Variants in PCDHA12 observed in about 807,000 individuals in gnomAD.
The protein encoded by PCDHA12 is protocadherin alpha 12, also known as protocadherin alpha-12.
A neutral mutation model predicts 60.0 loss-of-function variants in PCDHA12; 44 were observed. The ratio of observed to expected loss-of-function variants is 0.73; its 90% CI spans 0.58 to 0.94. The LOEUF (loss-of-function observed/expected upper bound fraction) is 0.94, where lower values mean the gene tolerates loss of function less well. PCDHA12 is among the 40% of genes least tolerant of loss of function. The pLI is 0.00. For synonymous variants in PCDHA12, 569 were observed against 553.0 expected (o/e 1.03, Z -0.40); for missense variants, 1,276 against 1,239.7 (o/e 1.03, Z -0.44).
At chr5:140,982,607 G>T (rs868934947) in intron 3 of PCDHA12, 44 bp downstream of exon 3, 2 of 1,601,622 alleles carry the variant, frequency 1.2e-6, no homozygotes, top group South Asian at 1.1e-5. Flanking sequence ...TTTCTGGAAA[G>T]TGATCAGATG....
At chr5:140,969,058 TG>T in intron 1 of PCDHA12, 2 of 1,614,166 alleles carry the variant, frequency 1.2e-6, no homozygotes, top group Non-Finnish European at 1.7e-6. Context: ...ACAACAATAT[TG>T]ATGCCAGGAT....
At position 140,929,021 on chromosome 5, in the gene PCDHA12, G is replaced by C. The variant is rs782118774; in HGVS notation, c.2368-49928G>C. On this transcript the variant is annotated intron_variant, in intron 1 of 3. Coordinates refer to ENST00000398631, the MANE Select transcript of PCDHA12 (RefSeq NM_018903.4). ...TTCGTGTGTACCAAGTTGCACCAGA[G>C]CCCAGGCTGTTGCGCTCAGAGCTGC... is the stretch of plus-strand genomic sequence containing the variant. The C allele has an allele frequency of 2.5e-6, 4 of 1,614,072 alleles. No individual in the cohort carries two copies. The African/African-American group carries it at 5.3e-5, about 22-fold the overall frequency.
intron 1 of PCDHA12, among the ~76,000 whole-genome samples, chr5:140,896,002 G>A (rs1485647299): frequency 1.3e-5 from 2 of 152,082 alleles, no homozygotes; most frequent in Non-Finnish European, 2.9e-5. Flanking sequence ...GTAGAGACAG[G>A]GTTTCTCCAT....
intron 1 of PCDHA12, among the ~76,000 whole-genome samples, chr5:140,964,058 A>C (rs147228403): frequency 1.4e-3 from 207 of 152,356 alleles, no homozygotes; most frequent in Admixed American, 4.3e-3. Flanking sequence ...TGGTGTGGTC[A>C]AGGCATTAGT....
chr5:140,970,641 T>C (rs1430565577), intron 1 of PCDHA12, among the ~76,000 whole-genome samples: 1 of 152,170 alleles, frequency 6.6e-6, no homozygotes, highest in African/African-American at 2.4e-5. Context: ...GTACCATAAA[T>C]AGTGATGAAT....
At chr5:140,920,294 A>T (rs1554199563) in intron 1 of PCDHA12, among the ~76,000 whole-genome samples, 9 of 152,206 alleles carry the variant, frequency 5.9e-5, no homozygotes. Context: ...TTTTAGAGGC[A>T]CTAAGAGAAA....
chr5:140,954,536 T>C (rs1438016822), intron 1 of PCDHA12, among the ~76,000 whole-genome samples: 3 of 152,248 alleles, frequency 2.0e-5, no homozygotes, highest in African/African-American at 7.2e-5. Flanking sequence ...GTTGAGGTTT[T>C]TTTCATATGT....
chr5:140,910,965 C>T (rs1554194514), intron 1 of PCDHA12, among the ~76,000 whole-genome samples: 1 of 152,098 alleles, frequency 6.6e-6, no homozygotes, highest in Non-Finnish European at 1.5e-5. Context: ...TAGCACACCT[C>T]CTCATGGGTT....
At chr5:140,999,666 G>A (rs185222092) in intron 3 of PCDHA12, among the ~76,000 whole-genome samples, 194 of 152,216 alleles carry the variant, frequency 1.3e-3, no homozygotes, top group African/African-American at 4.4e-3. Flanking sequence ...GCTGGGTTGC[G>A]GGGGGCTCAC....
intron 1 of PCDHA12, chr5:140,927,200 A>C (rs2083965383): frequency 6.2e-7 from 1 of 1,613,898 alleles, no homozygotes; most frequent in Non-Finnish European, 8.5e-7. Context: ...GTGCTCGAGG[A>C]CCCGCTGGAG....
chr5:140,925,084 AGGAAGGAAGGAAGGAAGGAAGGAG>A (rs1554202501), intron 1 of PCDHA12, among the ~76,000 whole-genome samples: 1 of 144,612 alleles, frequency 6.9e-6, no homozygotes, highest in Admixed American at 6.7e-5. Flanking sequence ...TCATCTGGAA[AGGAAGGAAGGAAGGAAGGAAGGAG>A]GGAAGGAAGG....
At chr5:140,942,619 TAA>T (rs35075175) in intron 1 of PCDHA12, among the ~76,000 whole-genome samples, 10 of 148,966 alleles carry the variant, frequency 6.7e-5, no homozygotes, top group Middle Eastern at 3.4e-3. Context: ...TTGCCAATTG[TAA>T]AAAAAAAAAT....
At chr5:141,005,701 C>CA (rs59860837) in intron 3 of PCDHA12, among the ~76,000 whole-genome samples, 506 of 7,758 alleles carry the variant, frequency 0.065, 109 homozygotes, top group Non-Finnish European at 0.076. Context: ...AACTCCGTCT[C>CA]AAAAAAAAAA....
chr5:140,892,874 C>T (rs1157291129), intron 1 of PCDHA12, among the ~76,000 whole-genome samples: 2 of 152,148 alleles, frequency 1.3e-5, no homozygotes, highest in Non-Finnish European at 2.9e-5. Flanking sequence ...GCTATAATTT[C>T]GTATCCATTA....
rs1228559116 is a variant in PCDHA12, at chr5:140,927,616, G to A, written c.2367+49777G>A. On this transcript the variant is annotated intron_variant, in intron 1 of 3. Coordinates refer to ENST00000398631, the MANE Select transcript of PCDHA12 (RefSeq NM_018903.4). ...TGAGCGCTCCGTATACCGCACCAAG[G>A]TTCCAGAGACTGCACCCAATGGGAC... 1.1e-5 allele frequency: 18 copies of A among 1,614,046 alleles called. No individual in the cohort carries two copies. Among genetic ancestry groups the A allele is most frequent in the Non-Finnish European group, 1.5e-5 (18 of 1,180,038 alleles).
intron 3 of PCDHA12, among the ~76,000 whole-genome samples, chr5:141,008,894 A>G (rs782674482): frequency 9.9e-5 from 15 of 152,254 alleles, no homozygotes; most frequent in Non-Finnish European, 1.8e-4. Context: ...TGTTATTACA[A>G]TAAAATTAAG....
At chr5:140,936,367 A>C (rs1347774517) in intron 1 of PCDHA12, among the ~76,000 whole-genome samples, 2 of 152,230 alleles carry the variant, frequency 1.3e-5, no homozygotes, top group East Asian at 1.9e-4. Flanking sequence ...GCTACTGAGC[A>C]CTTGAAATGT....
At chr5:140,887,396 C>T (rs2153420229) in intron 1 of PCDHA12, among the ~76,000 whole-genome samples, 1 of 152,174 alleles carries the variant, frequency 6.6e-6, no homozygotes, top group Non-Finnish European at 1.5e-5. Flanking sequence ...GCGCCCGGCT[C>T]TTTATCTCAT....
chr5:140,969,424 G>A (rs1554231783), intron 1 of PCDHA12: 1 of 1,558,342 alleles, frequency 6.4e-7, no homozygotes, highest in South Asian at 1.2e-5. Context: ...GTCATTAACA[G>A]TGACAAGAGT....
Sources: allele counts gnomAD v4.1 joint callset (sites outside exome capture counted in the v4.1 genomes callset), GRCh38; gene constraint gnomAD v4.1.1; transcripts MANE v1.5; gene names NCBI Gene and HGNC (gene_info 2026-07-23, HGNC 2026-07-21).